The following TMEM163 variants were observed in gnomAD, a reference collection of about 807,000 sequenced individuals.
TMEM163 encodes transmembrane protein 163.
TMEM163 carries 17 observed loss-of-function variants against 29.3 expected under a neutral mutation model. The ratio of observed to expected loss-of-function variants is 0.58; its 90% CI spans 0.40 to 0.87. TMEM163 has a LOEUF of 0.87. TMEM163 is among the 40% of genes least tolerant of loss of function. The probability of loss-of-function intolerance (pLI) is 0.00; values close to 1 mark genes in which losing one functional copy is unlikely to be tolerated. For synonymous variants in TMEM163, 157 were observed against 160.6 expected (o/e 0.98, Z 0.17); for missense variants, 303 against 381.5 (o/e 0.79, Z 1.71).
At chr2:134,685,294 C>T (rs1186926278) in intron 2 of TMEM163, among the ~76,000 whole-genome samples, 1 of 152,210 alleles carries the variant, frequency 6.6e-6, no homozygotes, top group South Asian at 2.1e-4. Flanking sequence ...CCACCACTCA[C>T]AATTCTCTTG....
At chr2:134,569,156 A>G (rs1380521251) in intron 2 of TMEM163, among the ~76,000 whole-genome samples, 1 of 152,220 alleles carries the variant, frequency 6.6e-6, no homozygotes, top group Admixed American at 6.5e-5. Flanking sequence ...GAAAATAAAA[A>G]TAGGAGTCAT....
chr2:134,563,976 C>T lies in TMEM163; in HGVS notation c.323-11885G>A, dbSNP rs532106644. Among the ~76,000 whole-genome samples, 16 of 152,090 alleles carry T rather than the reference C, an allele frequency of 1.1e-4. No homozygotes were observed. The East Asian group carries it at 2.1e-3, about 20-fold the overall frequency. On this transcript the variant is annotated intron_variant, in intron 2 of 7. Transcript: ENST00000281924. ...CTGAGGCAGGAGAATCTCTTGAACC[C>T]GGAGGCGGAGGTTGCAGTGAGCCGA...
At chr2:134,587,125 C>T (rs1681839915) in intron 2 of TMEM163, among the ~76,000 whole-genome samples, 1 of 152,128 alleles carries the variant, frequency 6.6e-6, no homozygotes. Context: ...AAGTACCACC[C>T]CTTGGCAGGG....
At chr2:134,571,091 T>C (rs1422372088) in intron 2 of TMEM163, among the ~76,000 whole-genome samples, 1 of 152,194 alleles carries the variant, frequency 6.6e-6, no homozygotes, top group East Asian at 1.9e-4. Context: ...TGGCATCACC[T>C]CAAAGATAAA....
chr2:134,494,271 A>G (rs922437562), intron 5 of TMEM163, among the ~76,000 whole-genome samples: 1 of 152,186 alleles, frequency 6.6e-6, no homozygotes, highest in East Asian at 1.9e-4. Context: ...GATGGCACTG[A>G]TAGTCTGACA....
intron 2 of TMEM163, among the ~76,000 whole-genome samples, chr2:134,555,684 T>C (rs1681034603): frequency 1.3e-5 from 2 of 152,238 alleles, no homozygotes; most frequent in African/African-American, 4.8e-5. Flanking sequence ...AAAAAATGCA[T>C]GCTTAGGATG....
chr2:134,585,962 A>G (rs1385248451), intron 2 of TMEM163, among the ~76,000 whole-genome samples: 1 of 152,208 alleles, frequency 6.6e-6, no homozygotes, highest in Non-Finnish European at 1.5e-5. Context: ...CCCAGGGAAG[A>G]TTTTTGTGCA....
Position 134,460,615 on chromosome 2 carries a change from T to G in TMEM163, c.668-2442A>C, listed in dbSNP as rs189064711. The stretch of plus-strand genomic sequence containing the variant: ...GCCCAGCCTGAGCGCCACCCCTGCC[T>G]GGCTCCCGCAGACAGTCACCCCAGG... On this transcript the variant is annotated intron_variant, in intron 6 of 7. Coordinates refer to ENST00000281924, the MANE Select transcript of TMEM163 (RefSeq NM_030923.5). The surrounding 1 kb of genome is among the most constrained non-coding windows in gnomAD (Gnocchi z 4.3). Among the ~76,000 whole-genome samples the G allele has an allele frequency of 3.9e-4, 60 of 152,224 alleles. No homozygotes were observed. The highest frequency in any genetic ancestry group is 1.5e-3 in the South Asian group (7 of 4,816).
At chr2:134,598,719 C>A (rs990883773) in intron 2 of TMEM163, among the ~76,000 whole-genome samples, 1 of 151,982 alleles carries the variant, frequency 6.6e-6, no homozygotes, top group African/African-American at 2.4e-5. Context: ...GAGTTCGAGA[C>A]CAGCCTGGCC....
Position 134,466,298 on chromosome 2 carries a change from ACAG to A in TMEM163, c.556-76_556-74del, listed in dbSNP as rs541496368. 99 of 1,275,270 alleles carry A rather than the reference ACAG, an allele frequency of 7.8e-5. No individual in the cohort carries two copies. The African/African-American group carries it at 1.3e-3, about 16-fold the overall frequency. 79.0% of individuals were successfully genotyped at this position (1,275,270 alleles called of 1,614,324 possible). On this transcript the variant is annotated intron_variant, in intron 5 of 7. Coordinates refer to ENST00000281924, the MANE Select transcript of TMEM163 (RefSeq NM_030923.5). Reference sequence around the variant, plus strand: ...AGATCATCTGCAACCCACTTGCCTTACAGATCAGCCTTGTTCCAAGTACAAATA... The same window carrying A: ...AGATCATCTGCAACCCACTTGCCTTAATCAGCCTTGTTCCAAGTACAAATA...
At chr2:134,648,666 A>G (rs1683396517) in intron 2 of TMEM163, among the ~76,000 whole-genome samples, 1 of 152,216 alleles carries the variant, frequency 6.6e-6, no homozygotes, top group Non-Finnish European at 1.5e-5. Context: ...ATACACAAAG[A>G]TGTGAAAGGA....
At chr2:134,555,249 T>G (rs1362389181) in intron 2 of TMEM163, among the ~76,000 whole-genome samples, 1 of 152,208 alleles carries the variant, frequency 6.6e-6, no homozygotes, top group African/African-American at 2.4e-5. Flanking sequence ...AGGGTCAGAA[T>G]GGTTTACACA....
intron 2 of TMEM163, among the ~76,000 whole-genome samples, chr2:134,665,374 A>T (rs1377851391): frequency 6.6e-6 from 1 of 152,144 alleles, no homozygotes; most frequent in Non-Finnish European, 1.5e-5. Context: ...AAACCATCAG[A>T]TCTCATGAGA....
intron 3 of TMEM163, among the ~76,000 whole-genome samples, chr2:134,551,559 C>T (rs940127029): frequency 5.9e-5 from 9 of 152,266 alleles, no homozygotes; most frequent in Middle Eastern, 3.4e-3. Context: ...GGAAACTTCA[C>T]CCAATTTCTA....
At chr2:134,537,551 TCA>T (rs1680567337) in intron 4 of TMEM163, among the ~76,000 whole-genome samples, 1 of 152,104 alleles carries the variant, frequency 6.6e-6, no homozygotes, top group Admixed American at 6.5e-5. Flanking sequence ...CCTAAAACCA[TCA>T]CACTGGGAAT....
In TMEM163 at chr2:134,489,248, AT is replaced by A. The variant is rs11322654; in HGVS notation, c.555+13652del. On this transcript the variant is annotated intron_variant, in intron 5 of 7. Coordinates refer to ENST00000281924, the MANE Select transcript of TMEM163 (RefSeq NM_030923.5). ...ATGATGAACAATTCACATTATAAAT[AT>A]TCTAGATCTTAAGACTATGTTGAGT... Among the ~76,000 whole-genome samples, 671 of 152,340 alleles carry A rather than the reference AT, an allele frequency of 4.4e-3. 14 individuals carry two copies. Among genetic ancestry groups the A allele is most frequent in the Admixed American group, 0.026 (399 of 15,310 alleles).
intron 2 of TMEM163, among the ~76,000 whole-genome samples, chr2:134,712,209 T>C (rs1269993028): frequency 6.6e-6 from 1 of 152,240 alleles, no homozygotes; most frequent in Non-Finnish European, 1.5e-5. Context: ...ATGCCTAGTT[T>C]TGCAGGGAGC....
chr2:134,684,963 C>G (rs913579178), intron 2 of TMEM163, among the ~76,000 whole-genome samples: 1 of 151,662 alleles, frequency 6.6e-6, no homozygotes, highest in Non-Finnish European at 1.5e-5. Context: ...TGAATTAGCT[C>G]CCAAGAGAAT....
chr2:134,556,173 C>T lies in TMEM163; in HGVS notation c.323-4082G>A, dbSNP rs1004901020. Among the ~76,000 whole-genome samples the T allele has an allele frequency of 2.6e-5, 4 of 152,116 alleles. 1 individual carries two copies. The highest frequency in any genetic ancestry group is 4.1e-4 in the South Asian group (2 of 4,820). ...AGATATTAAACACAGATCAGACTCCCGAAGACAGACTGAACCTCTTAAATC... is the reference window on the plus strand; with the variant it reads ...AGATATTAAACACAGATCAGACTCCTGAAGACAGACTGAACCTCTTAAATC... On this transcript the variant is annotated intron_variant, in intron 2 of 7. Transcript: ENST00000281924.
Sources: gnomAD v4.1 joint callset for allele counts (sites outside exome capture counted in the v4.1 genomes callset) on GRCh38, gnomAD v4.1.1 for gene constraint, Gnocchi (gnomAD v3.1) non-coding constraint, MANE v1.5 for transcripts, NCBI Gene and HGNC (gene_info 2026-07-23, HGNC 2026-07-21) for gene names.